Variants in FNDC3B observed in about 807,000 individuals in gnomAD.
The protein encoded by FNDC3B is fibronectin type III domain-containing protein 3B.
Under a neutral mutation model 151.5 loss-of-function variants are expected in FNDC3B, and 12 were observed. That is an observed-to-expected ratio of 0.08 (90% confidence interval 0.05 to 0.13). The LOEUF is 0.13. Ranked by LOEUF, FNDC3B falls within the 10% of genes least tolerant of loss-of-function variation. The pLI, the probability that FNDC3B is intolerant of heterozygous loss-of-function variation, is 1.00. For missense variants in FNDC3B, 1,214 were observed against 1,505.3 expected (o/e 0.81, Z 3.20); for synonymous variants, 528 against 549.0 (o/e 0.96, Z 0.54).
At position 172,300,513 on chromosome 3, in the gene FNDC3B, T is replaced by A. The variant is rs527681919; in HGVS notation, c.1061+1726T>A. Among the ~76,000 whole-genome samples, 71 of 152,294 alleles carry A rather than the reference T, an allele frequency of 4.7e-4. 1 individual carries two copies. The highest frequency in any genetic ancestry group is 1.6e-3 in the African/African-American group (68 of 41,566). On this transcript the variant is annotated intron_variant, in intron 9 of 25. Coordinates refer to ENST00000415807, the MANE Select transcript of FNDC3B (RefSeq NM_022763.4). ...AAAGGGTAAATTTGAGAACACTTGC[T>A]CATCAGCTATTTTTACCGACAAAAC...
chr3:172,117,871 T>C (rs1437350150), intron 2 of FNDC3B, among the ~76,000 whole-genome samples: 1 of 152,240 alleles, frequency 6.6e-6, no homozygotes. Flanking sequence ...TAATGCTTCT[T>C]CTTCAGAAAG....
At chr3:172,206,449 A>G (rs1367658884) in intron 3 of FNDC3B, among the ~76,000 whole-genome samples, 35 of 152,166 alleles carry the variant, frequency 2.3e-4, no homozygotes. Flanking sequence ...ACCTGAGCTC[A>G]GGAGTTTGAG....
chr3:172,211,564 G>A (rs1283256007), intron 3 of FNDC3B, among the ~76,000 whole-genome samples: 1 of 152,234 alleles, frequency 6.6e-6, no homozygotes, highest in Non-Finnish European at 1.5e-5. Context: ...CATAGAAGGA[G>A]AAGATAAAGA....
intron 3 of FNDC3B, among the ~76,000 whole-genome samples, chr3:172,197,712 T>C (rs932820222): frequency 6.6e-6 from 1 of 152,246 alleles, no homozygotes; most frequent in African/African-American, 2.4e-5. Flanking sequence ...GAATGTCCTA[T>C]TTCAATTAGT....
chr3:172,063,070 G>T (rs1041282562), intron 1 of FNDC3B, among the ~76,000 whole-genome samples: 3 of 152,100 alleles, frequency 2.0e-5, no homozygotes, highest in South Asian at 4.1e-4. Flanking sequence ...TTCTTTACAC[G>T]TATCTTTTCT....
chr3:172,071,834 A>AT (rs1191169773), intron 1 of FNDC3B, among the ~76,000 whole-genome samples: 1 of 152,058 alleles, frequency 6.6e-6, no homozygotes, highest in Non-Finnish European at 1.5e-5. Context: ...GTATGAAGTC[A>AT]TTTTCTCATT....
chr3:172,128,978 T>C (rs1720937369), intron 2 of FNDC3B, among the ~76,000 whole-genome samples: 1 of 151,658 alleles, frequency 6.6e-6, no homozygotes, highest in South Asian at 2.2e-4. Context: ...CAGGAGGAGC[T>C]TTTTTTTGGG....
chr3:172,141,397 A>G (rs1277265900), intron 3 of FNDC3B, among the ~76,000 whole-genome samples: 1 of 152,192 alleles, frequency 6.6e-6, no homozygotes, highest in African/African-American at 2.4e-5. Flanking sequence ...TTTGTTGTAG[A>G]TTTTTAGTTG....
chr3:172,192,919 CA>C (rs1033225041), intron 3 of FNDC3B, among the ~76,000 whole-genome samples: 3 of 152,166 alleles, frequency 2.0e-5, no homozygotes, highest in African/African-American at 7.2e-5. Flanking sequence ...TGTCAAAACT[CA>C]AACTCGGTTA....
chr3:172,343,345 C>G (rs894847128), intron 18 of FNDC3B, among the ~76,000 whole-genome samples: 3 of 152,130 alleles, frequency 2.0e-5, no homozygotes, highest in Admixed American at 6.6e-5. Flanking sequence ...CTGATGGTGC[C>G]ACACACATGG....
At chr3:172,315,437 G>A (rs1248816878) in intron 11 of FNDC3B, among the ~76,000 whole-genome samples, 13 of 152,278 alleles carry the variant, frequency 8.5e-5, no homozygotes, top group Admixed American at 5.2e-4. Context: ...CTTCAGTTTC[G>A]ATTTTCACCT....
chr3:172,042,899 A>G (rs1043200770), intron 1 of FNDC3B, among the ~76,000 whole-genome samples: 2 of 151,224 alleles, frequency 1.3e-5, no homozygotes, highest in African/African-American at 2.4e-5. Flanking sequence ...CAGTGGCGCA[A>G]TCTCGGCTCA....
chr3:172,239,562 A>G (rs1430861690), intron 4 of FNDC3B, among the ~76,000 whole-genome samples: 3 of 152,090 alleles, frequency 2.0e-5, no homozygotes, highest in African/African-American at 2.4e-5. Context: ...CCACGTGCAG[A>G]ATCTGCCCAT....
At chr3:172,258,940 T>A (rs1728508149) in intron 6 of FNDC3B, among the ~76,000 whole-genome samples, 1 of 152,154 alleles carries the variant, frequency 6.6e-6, no homozygotes, top group Non-Finnish European at 1.5e-5. Flanking sequence ...TCAGACGAGG[T>A]GTTTTGGAAG....
chr3:172,308,837 C>T (rs1301569655), intron 10 of FNDC3B, among the ~76,000 whole-genome samples: 6 of 152,158 alleles, frequency 3.9e-5, no homozygotes, highest in African/African-American at 1.4e-4. Flanking sequence ...AAAAAATGTG[C>T]TCTATATTTA....
chr3:172,111,714 A>C (rs1013510923), intron 1 of FNDC3B, among the ~76,000 whole-genome samples: 1 of 152,156 alleles, frequency 6.6e-6, no homozygotes, highest in South Asian at 2.1e-4. Flanking sequence ...TATCTACCTG[A>C]GACATATTTG....
intron 6 of FNDC3B, among the ~76,000 whole-genome samples, chr3:172,262,894 C>CAAAAAAAAAAAAAAAAAAAAAAA (rs67891835): frequency 1.6e-5 from 1 of 60,636 alleles, no homozygotes; most frequent in African/African-American, 6.4e-5. Context: ...GAGACCGACT[C>CAAAAAAAAAAAAAAAAAAAAAAA]AAAAAAAAAA....
intron 3 of FNDC3B, among the ~76,000 whole-genome samples, chr3:172,189,242 T>C (rs1382539658): frequency 6.6e-6 from 1 of 152,190 alleles, no homozygotes; most frequent in African/African-American, 2.4e-5. Flanking sequence ...AAATGTTCAG[T>C]CAAAATATTG....
intron 9 of FNDC3B, among the ~76,000 whole-genome samples, chr3:172,300,760 A>T (rs192742878): frequency 1.8e-3 from 273 of 152,316 alleles, no homozygotes; most frequent in Non-Finnish European, 3.3e-3. Context: ...TCTGCTTTCC[A>T]GGAAGATAGG....
Sources: gnomAD v4.1 joint callset for allele counts (sites outside exome capture counted in the v4.1 genomes callset) on GRCh38, gnomAD v4.1.1 for gene constraint, MANE v1.5 for transcripts, NCBI Gene and HGNC (gene_info 2026-07-23, HGNC 2026-07-21) for gene names.